Variants in NUCB2 observed in about 807,000 individuals in gnomAD.
The protein encoded by NUCB2 is nucleobindin 2.
NUCB2 carries 48 observed loss-of-function variants against 57.9 expected under a neutral mutation model. The ratio of observed to expected loss-of-function variants is 0.83; its 90% CI spans 0.66 to 1.05. NUCB2 has a LOEUF of 1.05. Ranked by LOEUF, NUCB2 falls within the 50% of genes least tolerant of loss-of-function variation. The probability of loss-of-function intolerance (pLI) is 0.00; values close to 1 mark genes in which losing one functional copy is unlikely to be tolerated. For missense variants in NUCB2, 442 were observed against 476.2 expected (o/e 0.93, Z 0.67); for synonymous variants, 139 against 152.1 (o/e 0.91, Z 0.64).
intron 1 of NUCB2, among the ~76,000 whole-genome samples, chr11:17,281,683 A>C (rs1405810667): frequency 6.6e-6 from 1 of 152,136 alleles, no homozygotes; most frequent in Non-Finnish European, 1.5e-5. Flanking sequence ...GTTAGGATTT[A>C]ATCTCCTGTT....
chr11:17,293,245 C>T (rs551065202), intron 2 of NUCB2, among the ~76,000 whole-genome samples: 1 of 127,334 alleles, frequency 7.9e-6, no homozygotes, highest in East Asian at 2.6e-4. Flanking sequence ...TAGAGCAAGA[C>T]TCTGTCTCAA....
Position 17,311,876 on chromosome 11 carries a change from C to A in NUCB2, c.765C>A (p.Val255=), listed in dbSNP as rs1236144346. ...DPKTFFKLHD[V]NSDGFLDEQE... ...TTTGTAACTTTTAAACTTTAGATGTCAATAGTGATGGATTCCTGGATGAAC... is the reference window on the plus strand; with the variant it reads ...TTTGTAACTTTTAAACTTTAGATGTAAATAGTGATGGATTCCTGGATGAAC... Residue 255 remains valine (V), a synonymous_variant, in exon 9 of 14, where the codon GTC becomes GTA. Transcript: ENST00000529010. 1 of 1,584,336 alleles carries A rather than the reference C, an allele frequency of 6.3e-7. No individual in the cohort carries two copies. Among genetic ancestry groups the A allele is most frequent in the East Asian group, 2.2e-5 (1 of 44,514 alleles).
chr11:17,307,205 A>C (rs561402796), intron 5 of NUCB2, among the ~76,000 whole-genome samples: 3 of 136,154 alleles, frequency 2.2e-5, no homozygotes, highest in African/African-American at 5.6e-5. Flanking sequence ...TGCCTGGCCC[A>C]TTCACGTGGT....
intron 11 of NUCB2, among the ~76,000 whole-genome samples, chr11:17,317,974 CTTTTTTTTTT>C (rs35264082): frequency 9.1e-6 from 1 of 109,928 alleles, no homozygotes; most frequent in Non-Finnish European, 1.8e-5. Context: ...AAGAAGTCAG[CTTTTTTTTTT>C]TTTTTTTTTT....
At position 17,330,199 on chromosome 11, in the gene NUCB2, A is replaced by G; in HGVS notation, c.1075A>G (p.Asn359Asp). The change falls in exon 12 of 14, where the codon AAT becomes GAT. Residue 359 changes from asparagine to aspartate, a missense_variant. Asn to Asp is a conservative substitution (Grantham distance 23). Transcript: ENST00000529010. The surrounding 1 kb of genome is among the most constrained non-coding windows in gnomAD (Gnocchi z 4.3). ...TGAAAATATTATTGCTTTACAAGAA[A>G]ATGAACTTAAGAAGAAGGCAGATGA... ...EYENIIALQE[N>D]ELKKKADELQ... The G allele has an allele frequency of 6.2e-7, 1 of 1,604,468 alleles. No homozygotes were observed. The highest frequency in any genetic ancestry group is 8.5e-7 in the Non-Finnish European group (1 of 1,172,418).
chr11:17,340,895 C>G (rs555584963), intron 2 of NUCB2, among the ~76,000 whole-genome samples: 1,709 of 152,318 alleles, frequency 0.011, 20 homozygotes, highest in Non-Finnish European at 0.018. Flanking sequence ...GGCGTTGAAT[C>G]TATAAATTAC....
At chr11:17,339,622 G>A (rs866042866) in intron 2 of NUCB2, among the ~76,000 whole-genome samples, 18 of 151,068 alleles carry the variant, frequency 1.2e-4, no homozygotes, top group South Asian at 4.2e-4. Flanking sequence ...TTGTCCTTGC[G>A]ATAGTTTGCT....
At chr11:17,315,819 T>C (rs1255489589) in intron 11 of NUCB2, among the ~76,000 whole-genome samples, 1 of 152,182 alleles carries the variant, frequency 6.6e-6, no homozygotes, top group Non-Finnish European at 1.5e-5. Flanking sequence ...GATTCTTGAG[T>C]TATGCATCGT....
chr11:17,285,668 C>T (rs983893870), intron 2 of NUCB2, among the ~76,000 whole-genome samples: 105 of 144,434 alleles, frequency 7.3e-4, no homozygotes, highest in Non-Finnish European at 1.0e-3. Flanking sequence ...GGTGTGAACC[C>T]GGGAGGCGGA....
intron 1 of NUCB2, among the ~76,000 whole-genome samples, chr11:17,280,947 G>A (rs918789771): frequency 1.3e-5 from 2 of 152,084 alleles, no homozygotes; most frequent in African/African-American, 4.8e-5. Flanking sequence ...AGGCTGAGGC[G>A]GAAGGATGGC....
At chr11:17,279,119 G>C (rs2137786952) in intron 1 of NUCB2, among the ~76,000 whole-genome samples, 1 of 152,280 alleles carries the variant, frequency 6.6e-6, no homozygotes, top group African/African-American at 2.4e-5. Context: ...CTTGAACCTG[G>C]AGGCGGAGGT....
At chr11:17,313,621 G>T (rs1465626000) in intron 10 of NUCB2, among the ~76,000 whole-genome samples, 1 of 152,092 alleles carries the variant, frequency 6.6e-6, no homozygotes, top group South Asian at 2.1e-4. Flanking sequence ...TCTCTTCAAG[G>T]AGTTGTCTAT....
At chr11:17,349,867 A>G (rs993575149) in exon 3 of NUCB2, 3 of 152,228 alleles carry the variant, frequency 2.0e-5, no homozygotes, top group Admixed American at 1.3e-4. Context: ...TCCAACAGCA[A>G]GTTGGATGCA....
intron 2 of NUCB2, among the ~76,000 whole-genome samples, chr11:17,288,174 C>CT (rs1240858884): frequency 2.0e-5 from 3 of 152,134 alleles, no homozygotes; most frequent in African/African-American, 7.2e-5. Context: ...CGTTTAATTT[C>CT]TTTATGTGTG....
At position 17,309,695 on chromosome 11, in the gene NUCB2, GTT is replaced by G; in HGVS notation, c.483+23_483+24del. 1 of 1,509,094 alleles carries G rather than the reference GTT, an allele frequency of 6.6e-7. No individual in the cohort carries two copies. The allele number at this position is 1,509,094 out of a possible 1,614,324, so 93.5% of individuals were successfully genotyped here. ...AAAGCGGTGAGAATAATTCCAAAAAGTTTTGTCTTTATTGTGCCTTTGAGGTT... is the reference window on the plus strand; with the variant it reads ...AAAGCGGTGAGAATAATTCCAAAAAGTTGTCTTTATTGTGCCTTTGAGGTT... On this transcript the variant is annotated intron_variant, in intron 6 of 13. Transcript: ENST00000529010.
chr11:17,331,506 A>G lies in NUCB2; in HGVS notation c.*87A>G. 1 of 811,504 alleles carries G rather than the reference A, an allele frequency of 1.2e-6. No homozygotes were observed. The highest frequency in any genetic ancestry group is 2.5e-4 in the Middle Eastern group (1 of 3,922). 50.3% of individuals were successfully genotyped at this position (811,504 alleles called of 1,614,324 possible). A position where few individuals can be genotyped will look rare whatever the true frequency, so the allele number is the denominator to read the frequency against. On this transcript the variant is annotated 3_prime_UTR_variant, in exon 14 of 14. Transcript: ENST00000529010. ...AGCTCCCTTCCTTTTTCTCTGCTCA[A>G]TAAATATTTTAAAAGCATATTTGAA... is the stretch of plus-strand genomic sequence containing the variant.
chr11:17,326,438 C>T (rs956084426), intron 11 of NUCB2, among the ~76,000 whole-genome samples: 2 of 151,508 alleles, frequency 1.3e-5, no homozygotes, highest in Non-Finnish European at 2.9e-5. Flanking sequence ...CTGCCTCCCC[C>T]TCCCGAGTAG....
chr11:17,289,759 A>G (rs1420468779), intron 2 of NUCB2, among the ~76,000 whole-genome samples: 5 of 152,244 alleles, frequency 3.3e-5, no homozygotes. Context: ...CCATTCTCGT[A>G]TCAATCTTTT....
At chr11:17,309,141 C>G (rs1204806551) in intron 5 of NUCB2, among the ~76,000 whole-genome samples, 1 of 151,950 alleles carries the variant, frequency 6.6e-6, no homozygotes, top group Non-Finnish European at 1.5e-5. Context: ...TAGTGAGACC[C>G]TGTCTCTACC....
Sources: allele counts gnomAD v4.1 joint callset (sites outside exome capture counted in the v4.1 genomes callset), GRCh38; gene constraint gnomAD v4.1.1; non-coding constraint Gnocchi (gnomAD v3.1); transcripts MANE v1.5; gene names NCBI Gene and HGNC (gene_info 2026-07-23, HGNC 2026-07-21).